The following GRM5 variants were observed in gnomAD, a reference collection of about 807,000 sequenced individuals.
GRM5 encodes glutamate metabotropic receptor 5.
GRM5 carries 19 observed loss-of-function variants against 83.1 expected under a neutral mutation model. That is an observed-to-expected ratio of 0.23 (90% CI 0.16 to 0.34). The LOEUF (loss-of-function observed/expected upper bound fraction) is 0.34. Ranked by LOEUF, GRM5 falls within the 10% of genes least tolerant of loss-of-function variation. The pLI is 1.00. For missense variants in GRM5, 1,160 were observed against 1,588.3 expected (o/e 0.73, Z 4.58); for synonymous variants, 675 against 633.6 (o/e 1.07, Z -0.98).
intron 3 of GRM5, among the ~76,000 whole-genome samples, chr11:88,770,614 G>T (rs1942714731): frequency 6.6e-6 from 1 of 152,034 alleles, no homozygotes; most frequent in Non-Finnish European, 1.5e-5. Context: ...GAAATTGTTG[G>T]CTTGGTTATA....
chr11:88,953,087 T>G (rs1938511085), intron 2 of GRM5, among the ~76,000 whole-genome samples: 1 of 152,188 alleles, frequency 6.6e-6, no homozygotes, highest in Non-Finnish European at 1.5e-5. Context: ...TTTATCCTTC[T>G]GCAAAGATAG....
chr11:88,842,468 T>G (rs909357236), intron 3 of GRM5, among the ~76,000 whole-genome samples: 1 of 152,220 alleles, frequency 6.6e-6, no homozygotes, highest in Non-Finnish European at 1.5e-5. Flanking sequence ...GTTAATCTGC[T>G]TTTATTACTC....
chr11:88,584,205 T>TACAC (rs10526384), intron 7 of GRM5, among the ~76,000 whole-genome samples: 1,944 of 144,304 alleles, frequency 0.013, 25 homozygotes, highest in African/African-American at 0.035. Context: ...TGTTTCAAAT[T>TACAC]ACACACACAC....
chr11:88,735,573 A>T (rs775404068), intron 3 of GRM5, among the ~76,000 whole-genome samples: 4 of 152,028 alleles, frequency 2.6e-5, no homozygotes, highest in African/African-American at 4.8e-5. Context: ...GGTAAACAGG[A>T]TCTGAAATGG....
intron 2 of GRM5, among the ~76,000 whole-genome samples, chr11:89,025,788 A>T (rs1169656273): frequency 6.6e-6 from 1 of 152,192 alleles, no homozygotes; most frequent in Non-Finnish European, 1.5e-5. Context: ...TTCTCAAAGT[A>T]CTTAAAACAG....
At position 88,507,745 on chromosome 11, in the gene GRM5, T is replaced by C. The variant is rs1196794548; in HGVS notation, c.*847A>G. ...TTATAAAGAGAATTTCCAGCTACAATGCACCCCAGTGAGGGAATTACAAAA... is the reference window on the plus strand; with the variant it reads ...TTATAAAGAGAATTTCCAGCTACAACGCACCCCAGTGAGGGAATTACAAAA... On this transcript the variant is annotated 3_prime_UTR_variant, in exon 10 of 10. Coordinates refer to ENST00000305447, the MANE Select transcript of GRM5 (RefSeq NM_001143831.3). 2 of 152,618 alleles carry C rather than the reference T, an allele frequency of 1.3e-5. No homozygotes were observed. The highest frequency in any genetic ancestry group is 2.9e-5 in the Non-Finnish European group (2 of 68,038). The allele number at this position is 152,618 out of a possible 1,614,324, so 9.5% of individuals were successfully genotyped here.
intron 8 of GRM5, among the ~76,000 whole-genome samples, chr11:88,561,161 G>A (rs1472205706): frequency 1.3e-5 from 2 of 152,144 alleles, no homozygotes; most frequent in Non-Finnish European, 2.9e-5. Context: ...AACAATTGGA[G>A]TATATTGGAA....
chr11:88,622,357 A>G (rs2135258252), intron 4 of GRM5, among the ~76,000 whole-genome samples: 1 of 152,352 alleles, frequency 6.6e-6, no homozygotes, highest in East Asian at 1.9e-4. Flanking sequence ...AGAATTTCAA[A>G]CCCAGTTCAA....
In GRM5 at chr11:88,593,676, C is replaced by CAAAA. The variant is rs1555075002; in HGVS notation, c.1564-2953_1564-2950dup. The stretch of plus-strand genomic sequence containing the variant: ...CTGGAGACAGAGCAAGACTCCGTCT[C>CAAAA]AAAAAAAAAAACAAAAAATTCTGCA... On this transcript the variant is annotated intron_variant, in intron 6 of 9. Transcript: ENST00000305447. Among the ~76,000 whole-genome samples the CAAAA allele has an allele frequency of 6.8e-5, 9 of 132,946 alleles. No individual in the cohort carries two copies. The East Asian group carries it at 1.4e-3, about 21-fold the overall frequency. 87.2% of individuals were successfully genotyped at this position (132,946 alleles called of 152,430 possible).
At chr11:88,894,547 T>TCCCA (rs1197602157) in intron 2 of GRM5, among the ~76,000 whole-genome samples, 1 of 152,000 alleles carries the variant, frequency 6.6e-6, no homozygotes, top group East Asian at 1.9e-4. Context: ...TTTTCTAACC[T>TCCCA]GTGTTCTAGT....
At chr11:88,816,546 A>G (rs1319988731) in intron 3 of GRM5, among the ~76,000 whole-genome samples, 4 of 149,208 alleles carry the variant, frequency 2.7e-5, no homozygotes, top group Non-Finnish European at 5.9e-5. Flanking sequence ...CTCAAAAAAA[A>G]AAAAAAAAGA....
At chr11:88,671,110 G>C (rs1226568834) in intron 3 of GRM5, among the ~76,000 whole-genome samples, 1 of 151,664 alleles carries the variant, frequency 6.6e-6, no homozygotes, top group African/African-American at 2.4e-5. Flanking sequence ...TAGTGGGTAA[G>C]GTCAGCACGA....
intron 3 of GRM5, among the ~76,000 whole-genome samples, chr11:88,679,408 C>T (rs1940418796): frequency 1.3e-5 from 2 of 152,200 alleles, no homozygotes; most frequent in South Asian, 4.1e-4. Flanking sequence ...CAAGTAGAAA[C>T]ATTACATATA....
chr11:88,708,632 G>T lies in GRM5; in HGVS notation c.912-55229C>A, dbSNP rs910354585. Among the ~76,000 whole-genome samples, 3 of 152,128 alleles carry T rather than the reference G, an allele frequency of 2.0e-5. No homozygotes were observed. The South Asian group carries it at 6.2e-4, about 32-fold the overall frequency. ...ATCACATTAGACAATGTATGTAAAA[G>T]TTCCTCCCACACTAAGCCTCAAACA... On this transcript the variant is annotated intron_variant, in intron 3 of 9. Transcript: ENST00000305447.
chr11:88,586,060 A>G (rs1443196608), intron 7 of GRM5, among the ~76,000 whole-genome samples: 2 of 152,016 alleles, frequency 1.3e-5, no homozygotes, highest in African/African-American at 4.8e-5. Flanking sequence ...ATTTTTATTG[A>G]TGAAGATACA....
intron 2 of GRM5, among the ~76,000 whole-genome samples, chr11:88,855,285 C>T (rs1429092770): frequency 6.6e-6 from 1 of 151,714 alleles, no homozygotes; most frequent in Non-Finnish European, 1.5e-5. Context: ...ACCCTACCAA[C>T]CACTATTTTT....
chr11:88,969,258 A>C (rs1939089294), intron 2 of GRM5, among the ~76,000 whole-genome samples: 1 of 152,092 alleles, frequency 6.6e-6, no homozygotes, highest in Non-Finnish European at 1.5e-5. Flanking sequence ...ATATATGTAT[A>C]TATTTACTTG....
At chr11:88,560,692 C>T (rs562516678) in intron 8 of GRM5, among the ~76,000 whole-genome samples, 1 of 152,266 alleles carries the variant, frequency 6.6e-6, no homozygotes, top group East Asian at 1.9e-4. Context: ...ACCTGTCCTT[C>T]TGTGTGCTCT....
At chr11:88,908,133 T>C (rs1945435020) in intron 2 of GRM5, among the ~76,000 whole-genome samples, 1 of 152,142 alleles carries the variant, frequency 6.6e-6, no homozygotes, top group African/African-American at 2.4e-5. Context: ...CTTATCCATA[T>C]TTTAGCATTC....
Sources: allele counts gnomAD v4.1 joint callset (sites outside exome capture counted in the v4.1 genomes callset), GRCh38; gene constraint gnomAD v4.1.1; transcripts MANE v1.5; gene names NCBI Gene and HGNC (gene_info 2026-07-23, HGNC 2026-07-21).